The following VAV2 variants were observed in gnomAD, a reference collection of about 807,000 sequenced individuals.
The protein encoded by VAV2 is vav guanine nucleotide exchange factor 2, also known as guanine nucleotide exchange factor VAV2.
In VAV2, 67 loss-of-function variants were observed where a neutral mutation model predicts 132.5. The observed-to-expected ratio is 0.51, with a 90% CI of 0.42 to 0.62. The LOEUF is 0.62. Among genes scored for constraint, VAV2 ranks in the 20% least tolerant of loss-of-function variants. VAV2 has a pLI of 0.00. For synonymous variants in VAV2, 492 were observed against 443.5 expected (o/e 1.11, Z -1.37); for missense variants, 938 against 1,153.6 (o/e 0.81, Z 2.71).
chr9:133,828,763 C>T (rs972954071), intron 4 of VAV2, among the ~76,000 whole-genome samples: 10 of 152,342 alleles, frequency 6.6e-5, no homozygotes, highest in East Asian at 3.9e-4. Flanking sequence ...TAGCACAATA[C>T]GCTGGACTTG....
At chr9:133,821,786 G>A (rs539226575) in intron 4 of VAV2, among the ~76,000 whole-genome samples, 1 of 152,292 alleles carries the variant, frequency 6.6e-6, no homozygotes, top group East Asian at 1.9e-4. Flanking sequence ...AGATGGCCAG[G>A]CAGGAATGTG....
chr9:133,880,168 C>G (rs1204002261), intron 2 of VAV2, among the ~76,000 whole-genome samples: 3 of 152,230 alleles, frequency 2.0e-5, no homozygotes, highest in Non-Finnish European at 2.9e-5. Flanking sequence ...TCCACCAGCC[C>G]CTTGCCCACT....
intron 3 of VAV2, among the ~76,000 whole-genome samples, chr9:133,846,975 G>A (rs553934661): frequency 6.6e-6 from 1 of 152,336 alleles, no homozygotes; most frequent in African/African-American, 2.4e-5. Flanking sequence ...TTGCAGCAGA[G>A]AACTGGGCTT....
intron 3 of VAV2, among the ~76,000 whole-genome samples, chr9:133,855,431 T>G (rs1837348650): frequency 6.6e-6 from 1 of 152,154 alleles, no homozygotes; most frequent in Admixed American, 6.5e-5. Context: ...CAAACAGACT[T>G]TCTCATTATC....
Position 133,919,987 on chromosome 9 carries a change from C to T in VAV2, c.321+19116G>A, listed in dbSNP as rs576318194. On this transcript the variant is annotated intron_variant, in intron 2 of 29. Coordinates refer to ENST00000371850, the MANE Select transcript of VAV2 (RefSeq NM_001134398.2). This position sits in a 1 kb window ranked among gnomAD's most constrained non-coding sequence, Gnocchi z 5.8. ...GGCATCAGTCAGCACCTGTTCTCTG[C>T]GCTGAGCCACGTGCCAGGAGGCCAG... is the stretch of plus-strand genomic sequence containing the variant. Among the ~76,000 whole-genome samples the T allele has an allele frequency of 6.4e-4, 98 of 152,332 alleles. No homozygotes were observed. The highest frequency in any genetic ancestry group is 1.2e-3 in the Non-Finnish European group (84 of 68,030).
At chr9:133,938,147 T>C (rs749882936) in intron 2 of VAV2, among the ~76,000 whole-genome samples, 1 of 152,184 alleles carries the variant, frequency 6.6e-6, no homozygotes, top group South Asian at 2.1e-4. Flanking sequence ...CTGATAATGA[T>C]GCTCAAATAA....
intron 2 of VAV2, among the ~76,000 whole-genome samples, chr9:133,897,673 G>A (rs980654808): frequency 2.6e-5 from 4 of 152,156 alleles, no homozygotes; most frequent in African/African-American, 9.7e-5. Flanking sequence ...TTTCCAGATC[G>A]TCCATGATTG....
intron 29 of VAV2, 73 bp from the exon 30 acceptor site, chr9:133,764,182 G>C: frequency 6.3e-7 from 1 of 1,592,404 alleles, no homozygotes. Flanking sequence ...GTCTATGTTG[G>C]GGTGAGGGCA....
At chr9:133,876,248 C>A (rs188409619) in intron 2 of VAV2, among the ~76,000 whole-genome samples, 86 of 152,282 alleles carry the variant, frequency 5.6e-4, no homozygotes, top group Non-Finnish European at 9.6e-4. Flanking sequence ...TCTGGAGAAC[C>A]CTGACTAATA....
chr9:133,987,422 C>G (rs573936056), intron 1 of VAV2, among the ~76,000 whole-genome samples: 1 of 152,344 alleles, frequency 6.6e-6, no homozygotes, highest in African/African-American at 2.4e-5. Flanking sequence ...CAGGAAGAAC[C>G]AGGCTAGAAG....
intron 3 of VAV2, among the ~76,000 whole-genome samples, chr9:133,847,654 T>A (rs1836989604): frequency 6.6e-6 from 1 of 152,116 alleles, no homozygotes; most frequent in South Asian, 2.1e-4. Context: ...TCAGATAAAG[T>A]TCCAGCCCCA....
chr9:133,809,192 C>T, intron 6 of VAV2, 54 bp from the exon 7 acceptor site: 1 of 1,494,960 alleles, frequency 6.7e-7, no homozygotes, highest in Non-Finnish European at 9.3e-7. Context: ...CCACCTGCCA[C>T]CTGCACATCT....
In VAV2 at chr9:133,958,366, G is replaced by A. The variant is rs1202220851; in HGVS notation, c.205-19147C>T. On this transcript the variant is annotated intron_variant, in intron 1 of 29. Coordinates refer to ENST00000371850, the MANE Select transcript of VAV2 (RefSeq NM_001134398.2). Reference sequence around the variant, plus strand: ...GAAAAACCGCCTTAGGGCTGGAGGTGGGACCTGCGGGCAGCAATACTGCTT... The same window carrying A: ...GAAAAACCGCCTTAGGGCTGGAGGTAGGACCTGCGGGCAGCAATACTGCTT... Among the ~76,000 whole-genome samples, 3 of 149,420 alleles carry A rather than the reference G, an allele frequency of 2.0e-5. 1 individual carries two copies. Among genetic ancestry groups the A allele is most frequent in the African/African-American group, 7.3e-5 (3 of 40,980 alleles).
rs190234590 is a variant in VAV2, at chr9:133,910,538, C to T, written c.321+28565G>A. On this transcript the variant is annotated intron_variant, in intron 2 of 29. Transcript: ENST00000371850. Reference sequence around the variant, plus strand: ...AAAATCAGGGACAGAAGGCTGGGCGCGGTGGCTCACACCTGTAATCCCAGC... The same window carrying T: ...AAAATCAGGGACAGAAGGCTGGGCGTGGTGGCTCACACCTGTAATCCCAGC... Among the ~76,000 whole-genome samples the T allele has an allele frequency of 3.3e-3, 501 of 151,826 alleles. 1 individual carries two copies. The highest frequency in any genetic ancestry group is 0.011 in the African/African-American group (450 of 41,390).
chr9:133,950,153 T>G (rs7864007), intron 1 of VAV2, among the ~76,000 whole-genome samples: 1,616 of 152,334 alleles, frequency 0.011, 28 homozygotes, highest in African/African-American at 0.037. Flanking sequence ...CAGCAACCCC[T>G]GGCACAGGCA....
rs1588254880 is a variant in VAV2, at chr9:133,842,217, C to T, written c.381-7877G>A. Reference sequence around the variant, plus strand: ...AAGGATCCAGGGCTTGAGACAGTCCCTAATGCCTCCACTTGGCCGGTACAG... The same window carrying T: ...AAGGATCCAGGGCTTGAGACAGTCCTTAATGCCTCCACTTGGCCGGTACAG... On this transcript the variant is annotated intron_variant, in intron 3 of 29. Transcript: ENST00000371850. Among the ~76,000 whole-genome samples the T allele has an allele frequency of 2.6e-5, 4 of 152,350 alleles. No homozygotes were observed. The South Asian group carries it at 8.3e-4, about 32-fold the overall frequency.
chr9:133,943,939 A>G (rs532169990), intron 1 of VAV2, among the ~76,000 whole-genome samples: 4 of 152,330 alleles, frequency 2.6e-5, no homozygotes, highest in African/African-American at 9.6e-5. Context: ...GTTCAGCTGC[A>G]CTGTCCTTCA....
chr9:133,787,203 G>T, intron 16 of VAV2, 43 bp downstream of exon 16: 1 of 1,549,200 alleles, frequency 6.5e-7, no homozygotes. Context: ...ACCAGGCTGG[G>T]ATGATTGAGG....
intron 25 of VAV2, 109 bp from the exon 26 acceptor site, chr9:133,772,155 G>A (rs1833653241): frequency 2.8e-6 from 2 of 714,742 alleles, no homozygotes; most frequent in Non-Finnish European, 4.5e-6. Context: ...CCTCGTCCCT[G>A]GCCCCCAGGG....
Sources: gnomAD v4.1 joint callset for allele counts (sites outside exome capture counted in the v4.1 genomes callset) on GRCh38, gnomAD v4.1.1 for gene constraint, Gnocchi (gnomAD v3.1) non-coding constraint, MANE v1.5 for transcripts, NCBI Gene and HGNC (gene_info 2026-07-23, HGNC 2026-07-21) for gene names.